Variants in PIK3C2G observed in about 807,000 individuals in gnomAD.
PIK3C2G encodes phosphatidylinositol-4-phosphate 3-kinase catalytic subunit type 2 gamma, also known as phosphatidylinositol 3-kinase C2 domain-containing subunit gamma.
PIK3C2G carries 168 observed loss-of-function variants against 181.1 expected under a neutral mutation model. The observed-to-expected ratio is 0.93, with a 90% CI of 0.82 to 1.05. The LOEUF (loss-of-function observed/expected upper bound fraction) is 1.05. Ranked by LOEUF, PIK3C2G falls within the 50% of genes least tolerant of loss-of-function variation. The pLI is 0.00. For synonymous variants in PIK3C2G, 573 were observed against 592.2 expected (o/e 0.97, Z 0.47); for missense variants, 1,869 against 1,732.8 (o/e 1.08, Z -1.40).
rs1938383004 is a variant in PIK3C2G at position 18,470,828 on chromosome 12, CA to C, written c.2505-17620del. On this transcript the variant is annotated intron_variant, in intron 18 of 32. Transcript: ENST00000538779. ...GAAAGATGGAGATAGTTCACATCAA[CA>C]GGAGAATGTGTAGTTTCAAAAATCA... Among the ~76,000 whole-genome samples, 7 of 152,182 alleles carry C rather than the reference CA, an allele frequency of 4.6e-5. No homozygotes were observed. In the South Asian group the frequency reaches 1.5e-3, roughly 32 times the overall value.
the PIK3C2G span, among the ~76,000 whole-genome samples, chr12:18,718,925 G>A: frequency 6.6e-6 from 1 of 152,152 alleles, no homozygotes; most frequent in African/African-American, 2.4e-5. Flanking sequence ...GCAATGCAAT[G>A]TGGATTATTT....
chr12:18,683,561 G>T, the PIK3C2G span: 23 of 1,482,378 alleles, frequency 1.6e-5, no homozygotes, highest in Non-Finnish European at 3.6e-6. Flanking sequence ...TCCGCAAAGC[G>T]CTGCATGATC....
At chr12:18,600,094 T>G (rs1947625393) in intron 30 of PIK3C2G, among the ~76,000 whole-genome samples, 1 of 151,890 alleles carries the variant, frequency 6.6e-6, no homozygotes, top group Non-Finnish European at 1.5e-5. Flanking sequence ...AACTTTATCC[T>G]GAAAAAAAAT....
chr12:18,697,411 C>T, the PIK3C2G span, among the ~76,000 whole-genome samples: 1 of 152,096 alleles, frequency 6.6e-6, no homozygotes, highest in East Asian at 1.9e-4. Flanking sequence ...CTAGTCCTAA[C>T]AGATGTCTGT....
the PIK3C2G span, among the ~76,000 whole-genome samples, chr12:18,670,108 G>T: frequency 2.6e-5 from 4 of 152,034 alleles, no homozygotes; most frequent in Admixed American, 2.0e-4. Context: ...ATGAATTTGG[G>T]AATGTTTGGA....
chr12:18,498,765 G>C (rs576616132), intron 22 of PIK3C2G, among the ~76,000 whole-genome samples: 8 of 152,200 alleles, frequency 5.3e-5, no homozygotes, highest in African/African-American at 1.9e-4. Context: ...CTGCATTACA[G>C]TCGTACTAGC....
At position 18,647,993 on chromosome 12, in the gene PIK3C2G, GA is replaced by G; in HGVS notation, c.4431del (p.Lys1477AsnfsTer5). On this transcript the variant is annotated frameshift_variant, in exon 33 of 33. Transcript: ENST00000538779. LOFTEE classifies it high-confidence loss of function. Reference protein sequence around the residue: ...IRLCSVPLDKEKWYPLGNSII With the variant: ...IRLCSVPLDKXKWYPLGNSII ...ACTCTGTAGTGTCCCACTCGATAAAGAAAAATGGTATCCATTAGGAAACAGT... is the reference window on the plus strand; with the variant it reads ...ACTCTGTAGTGTCCCACTCGATAAAGAAAATGGTATCCATTAGGAAACAGT... The G allele has an allele frequency of 3.1e-6, 5 of 1,595,954 alleles. No homozygotes were observed. The highest frequency in any genetic ancestry group is 1.1e-5 in the South Asian group (1 of 88,486).
the PIK3C2G span, among the ~76,000 whole-genome samples, chr12:18,673,498 C>T: frequency 1.3e-5 from 2 of 152,124 alleles, no homozygotes; most frequent in East Asian, 1.9e-4. Flanking sequence ...AATGAACAAA[C>T]GAACAAGGCT....
At chr12:18,508,282 C>T (rs1443688703) in intron 24 of PIK3C2G, among the ~76,000 whole-genome samples, 1 of 152,162 alleles carries the variant, frequency 6.6e-6, no homozygotes, top group Admixed American at 6.5e-5. Context: ...TACATTTGCT[C>T]TAAGTTTGTT....
intron 24 of PIK3C2G, among the ~76,000 whole-genome samples, chr12:18,530,287 C>T (rs915743356): frequency 2.0e-5 from 3 of 152,144 alleles, no homozygotes; most frequent in African/African-American, 7.2e-5. Context: ...GAAGTCAGTC[C>T]TTCCATCTGT....
intron 30 of PIK3C2G, among the ~76,000 whole-genome samples, chr12:18,603,743 A>G (rs1947856767): frequency 2.6e-5 from 4 of 152,192 alleles, no homozygotes; most frequent in Admixed American, 2.6e-4. Context: ...AACAATTATC[A>G]GCCAAGAGTT....
intron 22 of PIK3C2G, among the ~76,000 whole-genome samples, chr12:18,501,088 C>T (rs974003859): frequency 4.6e-5 from 7 of 151,962 alleles, no homozygotes; most frequent in Non-Finnish European, 8.8e-5. Context: ...ACTCCAGACG[C>T]GCCACCTTAA....
chr12:18,624,679 T>C (rs1249071297), intron 31 of PIK3C2G, among the ~76,000 whole-genome samples: 1 of 151,652 alleles, frequency 6.6e-6, no homozygotes, highest in Non-Finnish European at 1.5e-5. Context: ...GGGCTTTTTT[T>C]TGAGGAGAGA....
intron 21 of PIK3C2G, 119 bp downstream of exon 21, chr12:18,496,273 T>A: frequency 1.5e-6 from 1 of 660,262 alleles, no homozygotes; most frequent in Non-Finnish European, 2.6e-6. Context: ...GTTTTTCAGT[T>A]ATTTTAGAGT....
chr12:18,648,655 G>A (rs574000414), downstream of PIK3C2G, among the ~76,000 whole-genome samples: 1 of 151,946 alleles, frequency 6.6e-6, no homozygotes, highest in East Asian at 1.9e-4. Flanking sequence ...CTGCCACCCA[G>A]AGGCACGATT....
the PIK3C2G span, chr12:18,693,179 C>T: frequency 6.5e-7 from 1 of 1,549,804 alleles, no homozygotes; most frequent in Non-Finnish European, 8.9e-7. Context: ...ACTACATCAG[C>T]ATTCTTTCAT....
At chr12:18,415,032 T>C (rs1945098254) in intron 16 of PIK3C2G, among the ~76,000 whole-genome samples, 1 of 152,238 alleles carries the variant, frequency 6.6e-6, no homozygotes, top group African/African-American at 2.4e-5. Flanking sequence ...AGCATTTGCA[T>C]ATATTGATAC....
chr12:18,505,437 C>A lies in PIK3C2G; in HGVS notation c.3299C>A (p.Ala1100Glu). Residue 1100 changes from alanine to glutamate, a missense_variant, in exon 24 of 33, where the codon GCA (alanine) becomes GAA (glutamate). Ala to Glu is a moderately radical substitution (Grantham distance 107, BLOSUM62 -1). Transcript: ENST00000538779. ...GACTTTGGAAAATTCTTAGGTCATG[C>A]ACAAACATTTGGAGGGATAAAAAGG... ...HIDFGKFLGH[A>E]QTFGGIKRDR... 1 of 1,613,060 alleles carries A rather than the reference C, an allele frequency of 6.2e-7. No individual in the cohort carries two copies. Among genetic ancestry groups the A allele is most frequent in the Non-Finnish European group, 8.5e-7 (1 of 1,179,442 alleles).
intron 12 of PIK3C2G, among the ~76,000 whole-genome samples, chr12:18,370,499 A>G (rs1345348126): frequency 6.6e-6 from 1 of 152,156 alleles, no homozygotes; most frequent in Non-Finnish European, 1.5e-5. Context: ...AGAATGGTCC[A>G]CATTTAAAAT....
Sources: allele counts gnomAD v4.1 joint callset (sites outside exome capture counted in the v4.1 genomes callset), GRCh38; gene constraint gnomAD v4.1.1; transcripts MANE v1.5; gene names NCBI Gene and HGNC (gene_info 2026-07-23, HGNC 2026-07-21).